The following HSPA4 variants were observed in gnomAD, a reference collection of about 807,000 sequenced individuals.
HSPA4 encodes the protein heat shock 70 kDa protein 4.
Under a neutral mutation model 106.2 loss-of-function variants are expected in HSPA4, and 25 were observed. The observed-to-expected ratio is 0.24, with a 90% CI of 0.17 to 0.33. HSPA4 has a LOEUF of 0.33. Ranked by LOEUF, HSPA4 falls within the 10% of genes least tolerant of loss-of-function variation. The pLI is 1.00. For synonymous variants in HSPA4, 332 were observed against 333.6 expected (o/e 1.00, Z 0.05); for missense variants, 841 against 996.0 (o/e 0.84, Z 2.10).
chr5:133,058,143 G>A (rs1002832280), intron 1 of HSPA4, among the ~76,000 whole-genome samples: 39 of 152,176 alleles, frequency 2.6e-4, no homozygotes, highest in African/African-American at 8.9e-4. Context: ...TGTTATCCCA[G>A]CACTTTGGGA....
chr5:133,105,665 G>A lies in HSPA4; in HGVS notation c.*1229G>A, dbSNP rs1244164699. The stretch of plus-strand genomic sequence containing the variant: ...GTACCTGCTTTAAGAAACTGTTACA[G>A]GGCTTGTTGGTAATGTTTTGAATCT... On this transcript the variant is annotated 3_prime_UTR_variant, in exon 19 of 19. Transcript: ENST00000304858. 1 of 152,132 alleles carries A rather than the reference G, an allele frequency of 6.6e-6. No homozygotes were observed. The highest frequency in any genetic ancestry group is 2.4e-5 in the African/African-American group (1 of 41,416). The allele number at this position is 152,132 out of a possible 1,614,324, so 9.4% of individuals were successfully genotyped here.
Position 133,105,511 on chromosome 5 carries a change from C to T in HSPA4, c.*1075C>T, listed in dbSNP as rs534299948. Reference sequence around the variant, plus strand: ...GTGGTGCCTGATGTTATAACAACACCTCATTCTTAACTGTGTGGCCAATGT... The same window carrying T: ...GTGGTGCCTGATGTTATAACAACACTTCATTCTTAACTGTGTGGCCAATGT... On this transcript the variant is annotated 3_prime_UTR_variant, in exon 19 of 19. Transcript: ENST00000304858. 3.1e-4 allele frequency: 47 copies of T among 152,214 alleles called. 1 individual carries two copies. Among genetic ancestry groups the T allele is most frequent in the Admixed American group, 1.2e-3 (19 of 15,290 alleles). 9.4% of individuals were successfully genotyped at this position (152,214 alleles called of 1,614,324 possible).
intron 1 of HSPA4, among the ~76,000 whole-genome samples, chr5:133,054,264 G>A (rs1462099824): frequency 3.3e-5 from 5 of 151,894 alleles, no homozygotes; most frequent in East Asian, 1.9e-4. Flanking sequence ...GTGCAGTGGC[G>A]TAATCTCGGC....
chr5:133,080,485 C>T (rs889463123), intron 7 of HSPA4, among the ~76,000 whole-genome samples: 1 of 147,160 alleles, frequency 6.8e-6, no homozygotes, highest in African/African-American at 2.5e-5. Context: ...GGTTATTTTG[C>T]ATCAGTTTTT....
At chr5:133,099,191 C>T (rs555566984) in intron 15 of HSPA4, among the ~76,000 whole-genome samples, 1 of 151,808 alleles carries the variant, frequency 6.6e-6, no homozygotes, top group South Asian at 2.1e-4. Context: ...GTGCAGTGGC[C>T]CCATCTTGGG....
intron 1 of HSPA4, among the ~76,000 whole-genome samples, chr5:133,057,483 C>T (rs1369310286): frequency 1.3e-5 from 2 of 152,042 alleles, no homozygotes; most frequent in African/African-American, 2.4e-5. Context: ...CTCAGCCTCC[C>T]GAATAGCTGG....
At chr5:133,085,669 C>G (rs1173290868) in intron 7 of HSPA4, among the ~76,000 whole-genome samples, 1 of 151,272 alleles carries the variant, frequency 6.6e-6, no homozygotes, top group Non-Finnish European at 1.5e-5. Flanking sequence ...TGAAAAAAAG[C>G]CCTGCCGCCC....
At chr5:133,096,672 T>C (rs532271012) in intron 14 of HSPA4, among the ~76,000 whole-genome samples, 2 of 152,340 alleles carry the variant, frequency 1.3e-5, no homozygotes, top group South Asian at 2.1e-4. Flanking sequence ...TATGTAAATA[T>C]AGTAACTCTT....
chr5:133,091,148 C>G, intron 11 of HSPA4, 45 bp from the exon 12 acceptor site: 1 of 1,467,288 alleles, frequency 6.8e-7, no homozygotes, highest in Non-Finnish European at 9.6e-7. Context: ...TGCTTGAATT[C>G]ATCCTCTTAG....
rs1185898366 is a variant in HSPA4 at position 133,106,271 on chromosome 5, G to C, written c.*1835G>C. The C allele has an allele frequency of 6.6e-6, 1 of 150,696 alleles. No individual in the cohort carries two copies. Among genetic ancestry groups the C allele is most frequent in the African/African-American group, 2.4e-5 (1 of 40,890 alleles). The allele number at this position is 150,696 out of a possible 1,614,324, so 9.3% of individuals were successfully genotyped here. On this transcript the variant is annotated 3_prime_UTR_variant, in exon 19 of 19. Transcript: ENST00000304858. ...CTTTAAGACCAATTGGATTTTCATG[G>C]AGGCCAGGACAGAGAGTGGTAATTG...
Position 133,088,566 on chromosome 5 carries a change from T to C in HSPA4, c.1137+11T>C. ...GGCTGTGCATTGCAGGTGAATATTC[T>C]TTCTTTTATAGGTAACCATTTATAA... On this transcript the variant is annotated intron_variant, in intron 9 of 18. Coordinates refer to ENST00000304858, the MANE Select transcript of HSPA4 (RefSeq NM_002154.4). 1 of 1,607,556 alleles carries C rather than the reference T, an allele frequency of 6.2e-7. No individual in the cohort carries two copies. The highest frequency in any genetic ancestry group is 8.5e-7 in the Non-Finnish European group (1 of 1,174,332).
chr5:133,095,062 G>A (rs1455724364), intron 13 of HSPA4, among the ~76,000 whole-genome samples: 2 of 152,220 alleles, frequency 1.3e-5, no homozygotes, highest in African/African-American at 4.8e-5. Context: ...CTGTAATCCA[G>A]CACTTTGGGA....
At chr5:133,095,722 A>G (rs1765703552) in intron 13 of HSPA4, among the ~76,000 whole-genome samples, 1 of 152,184 alleles carries the variant, frequency 6.6e-6, no homozygotes, top group Non-Finnish European at 1.5e-5. Flanking sequence ...ATTTTATAAA[A>G]TTTACCATCT....
intron 1 of HSPA4, among the ~76,000 whole-genome samples, chr5:133,061,653 T>C (rs1005342533): frequency 6.6e-6 from 1 of 151,238 alleles, no homozygotes; most frequent in African/African-American, 2.4e-5. Context: ...TGAGTCTTGC[T>C]CTCTTGCCCA....
chr5:133,058,484 C>T (rs1165080884), intron 1 of HSPA4, among the ~76,000 whole-genome samples: 1 of 152,002 alleles, frequency 6.6e-6, no homozygotes. Context: ...TTGAGACCAG[C>T]CTGGCCAACC....
chr5:133,088,612 G>GT, intron 9 of HSPA4, 57 bp downstream of exon 9: 1 of 1,436,430 alleles, frequency 7.0e-7, no homozygotes, highest in Non-Finnish European at 9.8e-7. Context: ...CAAGATGGCA[G>GT]TGGTTTATGT....
chr5:133,054,424 G>A (rs951282833), intron 1 of HSPA4, among the ~76,000 whole-genome samples: 1 of 152,026 alleles, frequency 6.6e-6, no homozygotes, highest in Non-Finnish European at 1.5e-5. Context: ...GGGTGGGCTC[G>A]AACTCTTGAC....
Position 133,086,767 on chromosome 5 carries a change from T to C in HSPA4, c.909-15T>C. On this transcript the variant is annotated splice_polypyrimidine_tract_variant and intron_variant, in intron 7 of 18. Transcript: ENST00000304858. ...TTAATGTACTGTGTTTTTTGTTTTG[T>C]TTTGTTTTTTATAGAGGCAAATTTC... 2 of 1,597,812 alleles carry C rather than the reference T, an allele frequency of 1.3e-6. No homozygotes were observed. The highest frequency in any genetic ancestry group is 2.2e-5 in the East Asian group (1 of 44,762).
chr5:133,091,270 G>A lies in HSPA4; in HGVS notation c.1456G>A (p.Val486Ile), dbSNP rs1308049955. 1.2e-6 allele frequency: 2 copies of A among 1,613,942 alleles called. No individual in the cohort carries two copies. Among genetic ancestry groups the A allele is most frequent in the African/African-American group, 2.7e-5 (2 of 74,924 alleles). ...SKVKVKVRVN[V>I]HGIFSVSSAS... is the part of the protein sequence containing the mutation. ...AGTGAAAGTCAAAGTTCGAGTAAATGTCCATGGCATTTTCAGTGTGTCCAG... is the reference window on the plus strand; with the variant it reads ...AGTGAAAGTCAAAGTTCGAGTAAATATCCATGGCATTTTCAGTGTGTCCAG... The change falls in exon 12 of 19, where the codon GTC becomes ATC. Residue 486 changes from valine (V) to isoleucine (I), a missense_variant. Transcript: ENST00000304858.
Sources: gnomAD v4.1 joint callset for allele counts (sites outside exome capture counted in the v4.1 genomes callset) on GRCh38, gnomAD v4.1.1 for gene constraint, MANE v1.5 for transcripts, NCBI Gene and HGNC (gene_info 2026-07-23, HGNC 2026-07-21) for gene names.